HUWE1: variants seen among roughly 807,000 people sequenced by gnomAD.
HUWE1 encodes the protein HECT, UBA and WWE domain containing E3 ubiquitin protein ligase 1.
In HUWE1, 18 loss-of-function variants were observed where a neutral mutation model predicts 299.4. That is an observed-to-expected ratio of 0.06 (90% CI 0.04 to 0.09). The LOEUF is 0.09. Among genes scored for constraint, HUWE1 ranks in the 10% least tolerant of loss-of-function variants. HUWE1 has a pLI of 1.00. For synonymous variants in HUWE1, 1,317 were observed against 1,286.1 expected (o/e 1.02, Z -0.51); for missense variants, 1,832 against 3,462.3 (o/e 0.53, Z 11.82).
chrX:53,533,969 C>G lies in HUWE1; in HGVS notation c.13022+38G>C, dbSNP rs186211265. 61 of 1,165,354 alleles carry G rather than the reference C, an allele frequency of 5.2e-5. No individual in the cohort carries two copies. The East Asian group carries it at 1.7e-3, about 33-fold the overall frequency. ...AAAACATCAAGTATGCAAGCTCAACCTAAGCACTGAAAAGGAGAAACAAAC... is the reference window on the plus strand; with the variant it reads ...AAAACATCAAGTATGCAAGCTCAACGTAAGCACTGAAAAGGAGAAACAAAC... On this transcript the variant is annotated intron_variant, in intron 83 of 83. Coordinates refer to ENST00000262854, the MANE Select transcript of HUWE1 (RefSeq NM_031407.7).
In HUWE1 at chrX:53,584,322, T is replaced by C. The variant is rs782240883; in HGVS notation, c.5025A>G (p.Arg1675=). The change falls in exon 41 of 84, where the codon CGA becomes CGG. Residue 1675 remains arginine, a synonymous_variant. Coordinates refer to ENST00000262854, the MANE Select transcript of HUWE1 (RefSeq NM_031407.7). ...TGAGGAGAGTCAGCATCACAGGGCG[T>C]CGGTTCCCTGTTTCCTCATTAACCT... ...MVQVNEETGN[R]RPVMLTLLRV... The C allele has an allele frequency of 1.4e-3, 1,683 of 1,205,952 alleles. 18 individuals are homozygous for C. The South Asian group carries it at 0.028, about 20-fold the overall frequency.
At chrX:53,565,661 T>A (rs1556945046) in intron 49 of HUWE1, among the ~76,000 whole-genome samples, 1 of 108,666 alleles carries the variant, frequency 9.2e-6, no homozygotes, top group Admixed American at 9.9e-5. Context: ...AGACAGGGTC[T>A]CGCTGTGTCA....
chrX:53,570,890 G>A lies in HUWE1; in HGVS notation c.6313-1063C>T, dbSNP rs782365650. Among the ~76,000 whole-genome samples the A allele has an allele frequency of 5.3e-5, 6 of 112,813 alleles. No homozygotes were observed. In the South Asian group the frequency reaches 2.2e-3, roughly 41 times the overall value. The stretch of plus-strand genomic sequence containing the variant: ...AAAGAAAATGCATTGAATAATTTGA[G>A]AGTCTGAGAAACTGAATAAAGTGAC... On this transcript the variant is annotated intron_variant, in intron 47 of 83. Transcript: ENST00000262854.
intron 49 of HUWE1, 104 bp from the exon 50 acceptor site, chrX:53,565,343 G>A (rs1556944728): frequency 1.3e-6 from 1 of 761,317 alleles, no homozygotes. Context: ...TAAGAGAAAA[G>A]GGGCATAAGG....
chrX:53,576,171 G>A (rs1040503281), intron 44 of HUWE1, among the ~76,000 whole-genome samples: 14 of 111,949 alleles, frequency 1.3e-4, no homozygotes, highest in Non-Finnish European at 2.6e-4. Flanking sequence ...ATGGATCAGG[G>A]TTCTGTACAG....
At chrX:53,673,163 G>A (rs1052934799) in intron 3 of HUWE1, among the ~76,000 whole-genome samples, 3 of 111,532 alleles carry the variant, frequency 2.7e-5, no homozygotes, top group African/African-American at 9.8e-5. Flanking sequence ...CCACCACATC[G>A]GTTTTGAACT....
intron 30 of HUWE1, 145 bp downstream of exon 30, chrX:53,595,041 TA>T: frequency 2.0e-6 from 1 of 501,092 alleles, no homozygotes; most frequent in South Asian, 3.1e-5. Context: ...CCAAAACAAG[TA>T]ACTTACACTT....
At chrX:53,611,343 C>T (rs1468092270) in intron 23 of HUWE1, among the ~76,000 whole-genome samples, 1 of 111,093 alleles carries the variant, frequency 9.0e-6, no homozygotes, top group African/African-American at 3.3e-5. Context: ...CTGACAGATG[C>T]AATAACATGG....
intron 54 of HUWE1, 69 bp from the exon 55 acceptor site, chrX:53,561,993 C>T: frequency 8.3e-7 from 1 of 1,211,129 alleles, no homozygotes; most frequent in African/African-American, 1.7e-5. Context: ...GCCATGGCCA[C>T]ATGTGCACAT....
chrX:53,535,534 A>C, intron 80 of HUWE1, 33 bp from the exon 81 acceptor site: 1 of 941,130 alleles, frequency 1.1e-6, no homozygotes, highest in Non-Finnish European at 1.5e-6. Flanking sequence ...CATACATATC[A>C]GACTTCATCT....
At chrX:53,592,237 TCAGGAGAAAA>T (rs782283812) in intron 33 of HUWE1, among the ~76,000 whole-genome samples, 151 bp downstream of exon 33, 1 of 111,459 alleles carries the variant, frequency 9.0e-6, no homozygotes, top group South Asian at 3.8e-4. Context: ...CCAGTTTTCC[TCAGGAGAAAA>T]AAAATAAATA....
chrX:53,653,395 G>T (rs1459740923), intron 4 of HUWE1, among the ~76,000 whole-genome samples: 1 of 111,513 alleles, frequency 9.0e-6, no homozygotes, highest in Non-Finnish European at 1.9e-5. Flanking sequence ...CAAAAGTCTG[G>T]TAAGATTCAA....
chrX:53,613,867 G>A (rs1322640421), intron 23 of HUWE1, among the ~76,000 whole-genome samples: 1 of 111,855 alleles, frequency 8.9e-6, no homozygotes, highest in African/African-American at 3.3e-5. Flanking sequence ...TCAAGCAGTC[G>A]ATGTGGAATA....
rs1556973985 is a variant in HUWE1, at chrX:53,587,030, C to G, written c.4615-121G>C. The G allele has an allele frequency of 8.9e-6, 7 of 782,170 alleles. No individual in the cohort carries two copies. In the Admixed American group the frequency reaches 1.7e-4, roughly 19 times the overall value. 64.5% of individuals were successfully genotyped at this position (782,170 alleles called of 1,213,427 possible). On this transcript the variant is annotated intron_variant, in intron 37 of 83. Transcript: ENST00000262854. ...AAATAATAATAGAATTGGTTGAGTT[C>G]AAATTTTACCTCTTACCATTTACCA...
chrX:53,544,890 TA>T (rs1160917480), intron 71 of HUWE1, 128 bp from the exon 72 acceptor site: 2 of 894,281 alleles, frequency 2.2e-6, no homozygotes, highest in African/African-American at 2.0e-5. Flanking sequence ...AAGTAGGAAG[TA>T]GAAAAAAATG....
rs915089345 is a variant in HUWE1 at position 53,547,763 on chromosome X, C to A, written c.10546G>T (p.Ala3516Ser). The A allele has an allele frequency of 8.3e-7, 1 of 1,203,374 alleles. No individual in the cohort carries two copies. Among genetic ancestry groups the A allele is most frequent in the South Asian group, 1.8e-5 (1 of 55,709 alleles). ...GAAATAGCCGTGGCAGCAACCAGGG[C>A]TGGAGCAGAAGTGACAGGGGTGGGT... The part of the protein sequence containing the change: ...TAPTPVTSAP[A>S]LVAATAISTI... The change falls in exon 68 of 84, where the codon GCC becomes TCC. Residue 3516 changes from alanine (A) to serine (S), a missense_variant. Ala to Ser is a moderately conservative substitution (Grantham distance 99, BLOSUM62 1). Coordinates refer to ENST00000262854, the MANE Select transcript of HUWE1 (RefSeq NM_031407.7).
Position 53,536,535 on chromosome X carries a change from G to C in HUWE1, c.12270C>G (p.Thr4090=), listed in dbSNP as rs3761631. 33 of 1,209,589 alleles carry C rather than the reference G, an allele frequency of 2.7e-5. No individual in the cohort carries two copies. The East Asian group carries it at 7.1e-4, about 26-fold the overall frequency. The change falls in exon 79 of 84, where the codon ACC becomes ACG. Residue 4090 remains threonine, a synonymous_variant. Coordinates refer to ENST00000262854, the MANE Select transcript of HUWE1 (RefSeq NM_031407.7). ...AGTGGGAAGATGGATTGATGGTGTA[G>C]GTGACTCGATCACCAGGTGAGGTAC... ...LFRTSPGDRV[T]YTINPSSHCN...
At chrX:53,626,352 T>C (rs2066504304) in intron 17 of HUWE1, among the ~76,000 whole-genome samples, 1 of 109,973 alleles carries the variant, frequency 9.1e-6, no homozygotes, top group Non-Finnish European at 1.9e-5. Flanking sequence ...TTTCATATAC[T>C]ACTAGTTGGT....
intron 43 of HUWE1, 28 bp from the exon 44 acceptor site, chrX:53,577,095 G>A (rs1602759049): frequency 1.8e-6 from 2 of 1,126,392 alleles, no homozygotes; most frequent in African/African-American, 1.8e-5. Flanking sequence ...AGAAAAACCA[G>A]TCAATCATGA....
Sources: allele counts gnomAD v4.1 joint callset (sites outside exome capture counted in the v4.1 genomes callset), GRCh38; gene constraint gnomAD v4.1.1; transcripts MANE v1.5; gene names NCBI Gene and HGNC (gene_info 2026-07-23, HGNC 2026-07-21).